Variants in CNTN1 observed in about 807,000 individuals in gnomAD.
The protein encoded by CNTN1 is contactin 1, also known as contactin-1.
A neutral mutation model predicts 126.4 loss-of-function variants in CNTN1; 38 were observed. That is an observed-to-expected ratio of 0.30 (90% CI 0.23 to 0.39). The LOEUF is 0.39. Among genes scored for constraint, CNTN1 ranks in the 10% least tolerant of loss-of-function variants. The pLI is 1.00. For synonymous variants in CNTN1, 413 were observed against 422.6 expected, an observed-to-expected ratio of 0.98 and a Z score of 0.28; for missense variants, 1,009 against 1,248.4, an observed-to-expected ratio of 0.81 and a Z score of 2.89.
intron 1 of CNTN1, among the ~76,000 whole-genome samples, chr12:40,792,586 A>T (rs1020231818): frequency 6.6e-6 from 1 of 152,096 alleles, no homozygotes; most frequent in African/African-American, 2.4e-5. Context: ...TTGAGGACAC[A>T]GACTTATCTG....
chr12:40,971,097 A>G (rs1228932511), intron 15 of CNTN1, among the ~76,000 whole-genome samples: 1 of 152,210 alleles, frequency 6.6e-6, no homozygotes, highest in Non-Finnish European at 1.5e-5. Flanking sequence ...CATATGTTTC[A>G]GTAGATAGAC....
At chr12:41,039,185 A>T (rs1949338811) in intron 23 of CNTN1, among the ~76,000 whole-genome samples, 1 of 152,184 alleles carries the variant, frequency 6.6e-6, no homozygotes, top group South Asian at 2.1e-4. Context: ...TTTACAATAG[A>T]GCATCTCAAC....
intron 1 of CNTN1, among the ~76,000 whole-genome samples, chr12:40,898,671 A>T (rs920658803): frequency 1.3e-5 from 2 of 152,192 alleles, no homozygotes; most frequent in African/African-American, 2.4e-5. Flanking sequence ...ACAGAATGTC[A>T]ATGATTACAT....
chr12:40,945,289 A>G (rs1946394105), intron 14 of CNTN1, among the ~76,000 whole-genome samples: 1 of 152,112 alleles, frequency 6.6e-6, no homozygotes, highest in Non-Finnish European at 1.5e-5. Flanking sequence ...GCCCAAAATT[A>G]GTCAAATTGG....
At chr12:41,056,157 G>C (rs532311139) in intron 23 of CNTN1, among the ~76,000 whole-genome samples, 9 of 152,034 alleles carry the variant, frequency 5.9e-5, no homozygotes, top group Non-Finnish European at 1.2e-4. Context: ...AACAAAGTAG[G>C]TTAGAAAATA....
rs530473662 is a variant in CNTN1, at chr12:40,723,834, G to T, written c.-77+31242G>T. On this transcript the variant is annotated intron_variant, in intron 1 of 23. Coordinates refer to ENST00000551295, the MANE Select transcript of CNTN1 (RefSeq NM_001843.4). The stretch of plus-strand genomic sequence containing the variant: ...CAAGAATCTCTGCATGTGTTTAAAT[G>T]GTTTATCTAAAAGGTAAGTGGAAGA... Among the ~76,000 whole-genome samples the T allele has an allele frequency of 1.0e-3, 156 of 152,270 alleles. 1 individual carries two copies. The highest frequency in any genetic ancestry group is 3.4e-3 in the Middle Eastern group (1 of 294).
chr12:40,767,065 T>C (rs1011717248), intron 1 of CNTN1, among the ~76,000 whole-genome samples: 4 of 152,140 alleles, frequency 2.6e-5, no homozygotes, highest in Non-Finnish European at 4.4e-5. Flanking sequence ...GGGTTAATAA[T>C]AATGAACATT....
chr12:41,049,988 C>G (rs1949635229), intron 23 of CNTN1, among the ~76,000 whole-genome samples: 1 of 152,184 alleles, frequency 6.6e-6, no homozygotes, highest in Admixed American at 6.5e-5. Flanking sequence ...CAACCTCCAC[C>G]TCCCAGGTTC....
chr12:40,989,301 G>A (rs371925506), intron 16 of CNTN1, among the ~76,000 whole-genome samples: 3 of 152,100 alleles, frequency 2.0e-5, no homozygotes, highest in East Asian at 3.9e-4. Context: ...GACATTTAGG[G>A]CTCACAATAA....
At chr12:40,848,630 G>A (rs1942603635) in intron 1 of CNTN1, among the ~76,000 whole-genome samples, 1 of 151,992 alleles carries the variant, frequency 6.6e-6, no homozygotes, top group Non-Finnish European at 1.5e-5. Context: ...ATAAAATGAA[G>A]GAAGGATATT....
intron 1 of CNTN1, among the ~76,000 whole-genome samples, chr12:40,862,210 C>CACACAT: frequency 6.7e-6 from 1 of 149,770 alleles, no homozygotes; most frequent in Admixed American, 6.7e-5. Flanking sequence ...TCTCTTAATA[C>CACACAT]ACACACACAC....
intron 1 of CNTN1, among the ~76,000 whole-genome samples, chr12:40,820,806 A>G (rs1349806224): frequency 6.6e-6 from 1 of 152,148 alleles, no homozygotes; most frequent in Non-Finnish European, 1.5e-5. Context: ...AGACATCTCT[A>G]GATATCTCAG....
intron 23 of CNTN1, among the ~76,000 whole-genome samples, chr12:41,057,937 A>G (rs895013271): frequency 6.6e-6 from 1 of 152,116 alleles, no homozygotes; most frequent in Non-Finnish European, 1.5e-5. Flanking sequence ...GGCGAGGAAG[A>G]AAAAGCACTT....
Position 40,881,740 on chromosome 12 carries a change from G to T in CNTN1, c.-76-26617G>T, listed in dbSNP as rs577283851. Among the ~76,000 whole-genome samples, 34 of 151,856 alleles carry T rather than the reference G, an allele frequency of 2.2e-4. No homozygotes were observed. The South Asian group carries it at 7.0e-3, about 31-fold the overall frequency. On this transcript the variant is annotated intron_variant, in intron 1 of 23. Coordinates refer to ENST00000551295, the MANE Select transcript of CNTN1 (RefSeq NM_001843.4). ...TACCACACCCATTCATGCAGATCTC[G>T]AGTAGGTGATTTGGGTTTACCGTTT...
chr12:40,850,543 T>C (rs1942679452), intron 1 of CNTN1, among the ~76,000 whole-genome samples: 1 of 151,736 alleles, frequency 6.6e-6, no homozygotes, highest in African/African-American at 2.4e-5. Context: ...ATTCTTTGCA[T>C]TAAAAAAAAA....
At chr12:40,773,697 A>G (rs1409763222) in intron 1 of CNTN1, among the ~76,000 whole-genome samples, 4 of 9,842 alleles carry the variant, frequency 4.1e-4, no homozygotes, top group Admixed American at 2.2e-3. Context: ...ATATATACAC[A>G]TATATATATA....
intron 6 of CNTN1, among the ~76,000 whole-genome samples, chr12:40,925,343 C>A (rs905564726): frequency 1.3e-5 from 2 of 151,574 alleles, no homozygotes; most frequent in African/African-American, 4.8e-5. Context: ...AATCATGTTT[C>A]TATTCTTTTA....
intron 23 of CNTN1, among the ~76,000 whole-genome samples, chr12:41,047,903 G>C (rs1235410273): frequency 6.6e-6 from 1 of 151,892 alleles, no homozygotes; most frequent in Non-Finnish European, 1.5e-5. Context: ...CTGGTACTCA[G>C]ACTCCCAAAA....
At chr12:40,925,693 A>G (rs1355979091) in intron 6 of CNTN1, among the ~76,000 whole-genome samples, 1 of 145,256 alleles carries the variant, frequency 6.9e-6, no homozygotes, top group African/African-American at 2.5e-5. Context: ...TTTCTCCACA[A>G]TAGGAGAAAG....
Sources: gnomAD v4.1 joint callset for allele counts (sites outside exome capture counted in the v4.1 genomes callset) on GRCh38, gnomAD v4.1.1 for gene constraint, MANE v1.5 for transcripts, NCBI Gene and HGNC (gene_info 2026-07-23, HGNC 2026-07-21) for gene names.